Variants in RBPJ observed in about 807,000 individuals in gnomAD.
The protein encoded by RBPJ is recombining binding protein suppressor of hairless.
A neutral mutation model predicts 67.8 loss-of-function variants in RBPJ; 9 were observed. The observed-to-expected ratio is 0.13, with a 90% CI of 0.08 to 0.23. The LOEUF is 0.23. Among genes scored for constraint, RBPJ ranks in the 10% least tolerant of loss-of-function variants. RBPJ has a pLI of 1.00. For missense variants in RBPJ, 305 were observed against 595.6 expected, an observed-to-expected ratio of 0.51 and a Z score of 5.08; for synonymous variants, 198 against 203.3, an observed-to-expected ratio of 0.97 and a Z score of 0.22.
chr4:26,242,502 A>C (rs191736272), intron 1 of RBPJ, among the ~76,000 whole-genome samples: 3 of 151,880 alleles, frequency 2.0e-5, no homozygotes, highest in Admixed American at 2.0e-4. Context: ...TGGTCCACAG[A>C]TCCTCAGGAA....
At chr4:26,345,915 A>C (rs1390931461) in intron 1 of RBPJ, among the ~76,000 whole-genome samples, 3 of 152,138 alleles carry the variant, frequency 2.0e-5, no homozygotes, top group Admixed American at 2.0e-4. Context: ...TGACAAAATC[A>C]CATCTTTTCT....
chr4:26,405,497 A>G (rs750494633), intron 2 of RBPJ, among the ~76,000 whole-genome samples: 26 of 152,180 alleles, frequency 1.7e-4, no homozygotes, highest in Non-Finnish European at 3.5e-4. Context: ...TGTATAGACC[A>G]TTTGCTCAAT....
chr4:26,245,179 C>A (rs562735764), intron 1 of RBPJ, among the ~76,000 whole-genome samples: 2 of 150,302 alleles, frequency 1.3e-5, no homozygotes, highest in Non-Finnish European at 3.0e-5. Context: ...TTTCTTCTCT[C>A]CAGTCCCTGG....
intron 1 of RBPJ, among the ~76,000 whole-genome samples, chr4:26,274,121 C>T (rs1344605499): frequency 6.6e-6 from 1 of 152,154 alleles, no homozygotes; most frequent in Non-Finnish European, 1.5e-5. Flanking sequence ...TCCTAAAATA[C>T]TTTGTACATG....
At chr4:26,429,809 C>A in intron 8 of RBPJ, 89 bp from the exon 9 acceptor site, 3 of 1,079,570 alleles carry the variant, frequency 2.8e-6, no homozygotes, top group Non-Finnish European at 4.1e-6. Context: ...TTCTTATTAA[C>A]TCTTGTCTGA....
chr4:26,331,413 T>C (rs1724243709), intron 1 of RBPJ, among the ~76,000 whole-genome samples: 1 of 151,994 alleles, frequency 6.6e-6, no homozygotes, highest in Admixed American at 6.6e-5. Context: ...CCCATACCTT[T>C]CTATTTATCT....
chr4:26,184,440 T>G (rs1380363337), intron 1 of RBPJ, among the ~76,000 whole-genome samples: 1 of 152,012 alleles, frequency 6.6e-6, no homozygotes, highest in African/African-American at 2.4e-5. Context: ...AGTTCCTGTC[T>G]TGATAGGATT....
chr4:26,419,859 A>G (rs919668293), intron 4 of RBPJ, among the ~76,000 whole-genome samples: 8 of 152,160 alleles, frequency 5.3e-5, no homozygotes, highest in Non-Finnish European at 1.2e-4. Context: ...AATTCTGGTA[A>G]ACTGACATAA....
intron 1 of RBPJ, among the ~76,000 whole-genome samples, chr4:26,373,636 A>T (rs1729390640): frequency 6.6e-6 from 1 of 152,218 alleles, no homozygotes; most frequent in Admixed American, 6.5e-5. Context: ...ATGTAGATTC[A>T]TGTTCTTTTT....
intron 1 of RBPJ, among the ~76,000 whole-genome samples, chr4:26,377,750 T>C (rs1045179444): frequency 6.6e-6 from 1 of 152,236 alleles, no homozygotes; most frequent in Non-Finnish European, 1.5e-5. Flanking sequence ...TATCTGCCTT[T>C]CTCTGTTTTT....
At chr4:26,363,313 T>C (rs989758737) in intron 1 of RBPJ, among the ~76,000 whole-genome samples, 2 of 152,186 alleles carry the variant, frequency 1.3e-5, no homozygotes, top group African/African-American at 4.8e-5. Flanking sequence ...CTAGTTTTCG[T>C]ATTTTTAGTA....
chr4:26,281,378 A>G (rs983120120), intron 1 of RBPJ, among the ~76,000 whole-genome samples: 1 of 152,116 alleles, frequency 6.6e-6, no homozygotes, highest in Non-Finnish European at 1.5e-5. Flanking sequence ...TCCTGGGTTC[A>G]AGCAATTCTC....
At chr4:26,391,209 A>T (rs1731468354) in intron 2 of RBPJ, among the ~76,000 whole-genome samples, 1 of 152,244 alleles carries the variant, frequency 6.6e-6, no homozygotes, top group African/African-American at 2.4e-5. Context: ...CTTGAAAAAA[A>T]GAAAAAAGAA....
the RBPJ span, among the ~76,000 whole-genome samples, chr4:26,115,392 T>G: frequency 6.6e-6 from 1 of 152,150 alleles, no homozygotes; most frequent in Non-Finnish European, 1.5e-5. Context: ...AGTATAAGTT[T>G]TTTTTTTTTT....
intron 2 of RBPJ, among the ~76,000 whole-genome samples, chr4:26,392,748 A>G (rs1577595684): frequency 6.6e-6 from 1 of 152,216 alleles, no homozygotes; most frequent in African/African-American, 2.4e-5. Context: ...GATGGTGTAT[A>G]TATACATGCC....
At chr4:26,342,265 C>CAAA (rs60781954) in intron 1 of RBPJ, among the ~76,000 whole-genome samples, 2,685 of 113,996 alleles carry the variant, frequency 0.024, 56 homozygotes, top group Non-Finnish European at 0.033. Flanking sequence ...CCTGGGTTAT[C>CAAA]AAAAAAAAAA....
intron 1 of RBPJ, among the ~76,000 whole-genome samples, chr4:26,286,368 AC>A (rs1721467018): frequency 6.6e-6 from 1 of 151,160 alleles, no homozygotes; most frequent in African/African-American, 2.4e-5. Flanking sequence ...GGTCCCAGCT[AC>A]TTAGGAGGCT....
At chr4:26,215,309 A>AAGAGAAAGAAAGAAAGAAAAAGAGAG (rs1718665888) in intron 1 of RBPJ, among the ~76,000 whole-genome samples, 1 of 118,722 alleles carries the variant, frequency 8.4e-6, no homozygotes, top group Non-Finnish European at 1.7e-5. Flanking sequence ...AGAGAGAGAA[A>AAGAGAAAGAAAGAAAGAAAAAGAGAG]AGAGAAAGAA....
At chr4:26,252,470 A>T (rs1390746104) in intron 1 of RBPJ, among the ~76,000 whole-genome samples, 1 of 149,604 alleles carries the variant, frequency 6.7e-6, no homozygotes, top group African/African-American at 2.6e-5. Flanking sequence ...ACCTGTGGTC[A>T]CAGCTCTCAG....
Sources: gnomAD v4.1 joint callset for allele counts (sites outside exome capture counted in the v4.1 genomes callset) on GRCh38, gnomAD v4.1.1 for gene constraint, MANE v1.5 for transcripts, NCBI Gene and HGNC (gene_info 2026-07-23, HGNC 2026-07-21) for gene names.